Variants in UNC13C observed in about 807,000 individuals in gnomAD.
The protein encoded by UNC13C is protein unc-13 homolog C.
UNC13C carries 174 observed loss-of-function variants against 245.4 expected under a neutral mutation model. The observed-to-expected ratio is 0.71, with a 90% confidence interval of 0.63 to 0.80. The LOEUF is 0.80. Among genes scored for constraint, UNC13C ranks in the 30% least tolerant of loss-of-function variants. The pLI is 0.00. For missense variants in UNC13C, 2,829 were observed against 2,602.9 expected, an observed-to-expected ratio of 1.09 and a Z score of -1.89; for synonymous variants, 992 against 895.1, an observed-to-expected ratio of 1.11 and a Z score of -1.93.
intron 2 of UNC13C, among the ~76,000 whole-genome samples, chr15:54,115,598 T>G (rs764665489): frequency 6.6e-6 from 1 of 152,156 alleles, no homozygotes; most frequent in Non-Finnish European, 1.5e-5. Flanking sequence ...AATTGGGACA[T>G]CCATCATCTT....
At chr15:54,049,010 T>G in intron 2 of UNC13C, 1 of 378,434 alleles carries the variant, frequency 2.6e-6, no homozygotes, top group South Asian at 2.3e-5. Context: ...GTTTGAGAAT[T>G]TTTTCTTCCT....
intron 4 of UNC13C, among the ~76,000 whole-genome samples, chr15:54,196,965 AG>A (rs1467360032): frequency 6.6e-6 from 1 of 152,158 alleles, no homozygotes; most frequent in Non-Finnish European, 1.5e-5. Flanking sequence ...GGAGATTCTA[AG>A]GAGCACCATA....
At chr15:54,483,968 A>G (rs12907059) in intron 19 of UNC13C, among the ~76,000 whole-genome samples, 62,460 of 151,464 alleles carry the variant, frequency 0.41, 13,076 homozygotes, top group East Asian at 0.62. Flanking sequence ...ACACATGCAC[A>G]CTCACACACT....
At chr15:54,516,672 C>A (rs373148301) in intron 24 of UNC13C, among the ~76,000 whole-genome samples, 1 of 151,620 alleles carries the variant, frequency 6.6e-6, no homozygotes, top group Non-Finnish European at 1.5e-5. Flanking sequence ...TGGTGGTGGG[C>A]GCCTGTAATC....
chr15:54,186,354 C>CA (rs1211903295), intron 4 of UNC13C, among the ~76,000 whole-genome samples: 2 of 152,036 alleles, frequency 1.3e-5, no homozygotes, highest in African/African-American at 4.8e-5. Context: ...TGCCAGTTTT[C>CA]AAAGGGAATG....
chr15:53,878,596 C>T, the UNC13C span, among the ~76,000 whole-genome samples: 1 of 152,086 alleles, frequency 6.6e-6, no homozygotes, highest in Non-Finnish European at 1.5e-5. Flanking sequence ...ATGTATCTAG[C>T]CATGCACTTC....
At chr15:53,919,912 A>C in the UNC13C span, among the ~76,000 whole-genome samples, 2 of 152,180 alleles carry the variant, frequency 1.3e-5, no homozygotes, top group African/African-American at 4.8e-5. Context: ...ACAAAAATAA[A>C]ATTAAAATAT....
chr15:54,320,450 A>C (rs2140977472), intron 13 of UNC13C, among the ~76,000 whole-genome samples: 1 of 152,140 alleles, frequency 6.6e-6, no homozygotes, highest in South Asian at 2.1e-4. Flanking sequence ...AGCAATCAAC[A>C]TCAAGGGTGC....
chr15:54,548,205 T>C (rs1212794619), intron 27 of UNC13C, among the ~76,000 whole-genome samples: 1 of 137,096 alleles, frequency 7.3e-6, no homozygotes, highest in East Asian at 2.2e-4. Context: ...TTTGTTTCTT[T>C]TGCTTTTTTT....
Position 54,455,217 on chromosome 15 carries a change from A to C in UNC13C, c.4934-39391A>C, listed in dbSNP as rs1272815200. Among the ~76,000 whole-genome samples the C allele has an allele frequency of 1.2e-3, 81 of 65,506 alleles. 1 individual carries two copies. Among genetic ancestry groups the C allele is most frequent in the African/African-American group, 2.0e-3 (44 of 21,714 alleles). 43.0% of individuals were successfully genotyped at this position (65,506 alleles called of 152,430 possible). A position where few individuals can be genotyped will look rare whatever the true frequency, so the allele number is the denominator to read the frequency against. The stretch of plus-strand genomic sequence containing the variant: ...TCTCTCTCTCTCTCTATATATATAT[A>C]TATATATATATATATATATATGTTT... On this transcript the variant is annotated intron_variant, in intron 19 of 32. Transcript: ENST00000260323.
At chr15:53,903,582 A>G in the UNC13C span, among the ~76,000 whole-genome samples, 1 of 152,216 alleles carries the variant, frequency 6.6e-6, no homozygotes, top group Non-Finnish European at 1.5e-5. Context: ...CCTCAGCCAA[A>G]TCAACAGAGC....
chr15:54,415,670 T>A (rs2040503271), intron 19 of UNC13C, among the ~76,000 whole-genome samples: 1 of 152,176 alleles, frequency 6.6e-6, no homozygotes, highest in East Asian at 1.9e-4. Context: ...GAAAAATTTC[T>A]TTGTACTTAT....
intron 7 of UNC13C, among the ~76,000 whole-genome samples, chr15:54,244,896 G>C (rs1364227195): frequency 6.6e-6 from 1 of 152,040 alleles, no homozygotes; most frequent in Admixed American, 6.6e-5. Flanking sequence ...TCTAAATATA[G>C]GATTATGTCC....
chr15:54,319,657 T>C (rs1249369844), intron 13 of UNC13C, among the ~76,000 whole-genome samples: 1 of 148,712 alleles, frequency 6.7e-6, no homozygotes, highest in Non-Finnish European at 1.5e-5. Flanking sequence ...AGGACCATCA[T>C]TTATTTTTTG....
chr15:54,123,284 T>C (rs964587186), intron 2 of UNC13C, among the ~76,000 whole-genome samples: 1 of 151,846 alleles, frequency 6.6e-6, no homozygotes, highest in Admixed American at 6.6e-5. Context: ...TGTAAATTGG[T>C]TTGTTATCTT....
chr15:54,256,916 C>T (rs375156206), intron 8 of UNC13C, among the ~76,000 whole-genome samples: 5 of 152,156 alleles, frequency 3.3e-5, no homozygotes, highest in East Asian at 1.9e-4. Context: ...GTTTGTCTTA[C>T]TTTAACACTG....
chr15:54,341,618 T>C (rs2038733671), intron 17 of UNC13C, among the ~76,000 whole-genome samples: 1 of 152,060 alleles, frequency 6.6e-6, no homozygotes, highest in South Asian at 2.1e-4. Context: ...CAAAAAAATA[T>C]AGAAACCAAA....
At chr15:54,159,001 T>C (rs2032865841) in intron 4 of UNC13C, among the ~76,000 whole-genome samples, 1 of 152,124 alleles carries the variant, frequency 6.6e-6, no homozygotes. Flanking sequence ...TTCTTCCTAT[T>C]ATTGCAAACT....
intron 12 of UNC13C, among the ~76,000 whole-genome samples, chr15:54,299,642 C>T (rs1036723619): frequency 3.3e-5 from 5 of 152,134 alleles, no homozygotes; most frequent in Non-Finnish European, 7.4e-5. Flanking sequence ...TAGGAAGGTA[C>T]TTTATCACTT....
Sources: gnomAD v4.1 joint callset for allele counts (sites outside exome capture counted in the v4.1 genomes callset) on GRCh38, gnomAD v4.1.1 for gene constraint, MANE v1.5 for transcripts, NCBI Gene and HGNC (gene_info 2026-07-23, HGNC 2026-07-21) for gene names.